Variants in PLXNA4 observed in about 807,000 individuals in gnomAD.
PLXNA4 encodes the protein plexin A4, also known as plexin-A4.
PLXNA4 carries 44 observed loss-of-function variants against 191.8 expected under a neutral mutation model. That is an observed-to-expected ratio of 0.23 (90% CI 0.18 to 0.29). PLXNA4 has a LOEUF of 0.29. Among genes scored for constraint, PLXNA4 ranks in the 10% least tolerant of loss-of-function variants. The pLI is 1.00. For synonymous variants in PLXNA4, 1,082 were observed against 1,009.5 expected (o/e 1.07, Z -1.36); for missense variants, 1,800 against 2,488.8 (o/e 0.72, Z 5.89).
At chr7:132,140,527 G>A in intron 30 of PLXNA4, 72 bp downstream of exon 30, 1 of 1,573,926 alleles carries the variant, frequency 6.4e-7, no homozygotes, top group Non-Finnish European at 8.6e-7. Context: ...TTGATGGGGA[G>A]GGGACCTTTT....
chr7:132,344,306 A>G (rs1259244321), intron 3 of PLXNA4, among the ~76,000 whole-genome samples: 1 of 152,124 alleles, frequency 6.6e-6, no homozygotes, highest in East Asian at 1.9e-4. Context: ...CCCCACAGAT[A>G]TTATCATTTT....
intron 12 of PLXNA4, 69 bp downstream of exon 12, chr7:132,202,577 T>C: frequency 7.3e-7 from 1 of 1,360,604 alleles, no homozygotes. Flanking sequence ...CTGGGCAGAG[T>C]TTCCACAGGG....
chr7:132,318,460 C>T (rs191797703), intron 3 of PLXNA4, among the ~76,000 whole-genome samples: 70 of 152,258 alleles, frequency 4.6e-4, no homozygotes, highest in Non-Finnish European at 6.5e-4. Flanking sequence ...CTCCTGGCTT[C>T]CTCCCTCCCT....
intron 17 of PLXNA4, among the ~76,000 whole-genome samples, 178 bp from the exon 18 acceptor site, chr7:132,181,798 A>G (rs939860684): frequency 3.9e-5 from 6 of 152,206 alleles, no homozygotes; most frequent in African/African-American, 1.4e-4. Flanking sequence ...GCTTGCACCC[A>G]GCTCCGGTTT....
chr7:132,329,155 C>G (rs983741605), intron 3 of PLXNA4, among the ~76,000 whole-genome samples: 3 of 152,168 alleles, frequency 2.0e-5, no homozygotes, highest in African/African-American at 7.2e-5. Flanking sequence ...AACTGCTGCC[C>G]AAAGGACACC....
At chr7:132,338,439 C>T (rs902701338) in intron 3 of PLXNA4, among the ~76,000 whole-genome samples, 9 of 152,330 alleles carry the variant, frequency 5.9e-5, no homozygotes, top group South Asian at 4.1e-4. Context: ...ATACCTCTGA[C>T]GTTGTCAAAG....
chr7:132,621,246 G>GT (rs373540061), intron 2 of PLXNA4, among the ~76,000 whole-genome samples: 51,117 of 127,126 alleles, frequency 0.4, 9,784 homozygotes, highest in Non-Finnish European at 0.49. Context: ...GTTTTTTTTT[G>GT]TTTTTTTTTT....
chr7:132,189,004 GAGAGAGAGAGAGAGAGAGAGAGA>G (rs1796990823), intron 14 of PLXNA4, among the ~76,000 whole-genome samples: 3 of 72,206 alleles, frequency 4.2e-5, no homozygotes, highest in African/African-American at 5.8e-5. Context: ...GAGAGAGAGA[GAGAGAGAGAGAGAGAGAGAGAGA>G]GAAAGAGAGA....
At chr7:132,528,619 G>A (rs1433140760) in intron 1 of PLXNA4, among the ~76,000 whole-genome samples, 1 of 152,152 alleles carries the variant, frequency 6.6e-6, no homozygotes, top group Non-Finnish European at 1.5e-5. Flanking sequence ...TAATTTTTTT[G>A]CTCTTTAAAA....
intron 3 of PLXNA4, among the ~76,000 whole-genome samples, chr7:132,336,785 G>A (rs1802835772): frequency 6.6e-6 from 1 of 152,240 alleles, no homozygotes; most frequent in African/African-American, 2.4e-5. Context: ...TTGAGCAACT[G>A]GTTGCTTTCT....
chr7:132,577,614 C>A (rs1403717652), upstream of PLXNA4, among the ~76,000 whole-genome samples: 4 of 152,118 alleles, frequency 2.6e-5, no homozygotes, highest in Admixed American at 1.3e-4. Flanking sequence ...TTTGCCGACA[C>A]CCCCCTGGGT....
At chr7:132,482,518 C>T (rs181336294) in intron 3 of PLXNA4, among the ~76,000 whole-genome samples, 10 of 152,172 alleles carry the variant, frequency 6.6e-5, no homozygotes, top group East Asian at 3.9e-4. Flanking sequence ...GACCCTAAGC[C>T]GGAGGACCCA....
chr7:132,278,746 C>T (rs1199498971), intron 4 of PLXNA4, among the ~76,000 whole-genome samples: 2 of 152,194 alleles, frequency 1.3e-5, no homozygotes, highest in African/African-American at 2.4e-5. Flanking sequence ...GTTTTTTCCC[C>T]TTCGGTGCAC....
intron 2 of PLXNA4, among the ~76,000 whole-genome samples, chr7:132,490,302 A>G (rs557855836): frequency 2.6e-5 from 4 of 152,310 alleles, no homozygotes; most frequent in Admixed American, 2.6e-4. Flanking sequence ...GCCTTTTAAC[A>G]CCATCTAAGA....
chr7:132,574,726 G>A (rs1224765829), intron 1 of PLXNA4, among the ~76,000 whole-genome samples: 1 of 152,182 alleles, frequency 6.6e-6, no homozygotes, highest in African/African-American at 2.4e-5. Context: ...CCCTCCCGGG[G>A]TGTCTGCGCT....
chr7:132,466,502 A>C (rs1049508713), intron 3 of PLXNA4, among the ~76,000 whole-genome samples: 6 of 152,184 alleles, frequency 3.9e-5, no homozygotes, highest in Admixed American at 2.0e-4. Context: ...GCAGATGTAA[A>C]TCACGCAGAG....
intron 1 of PLXNA4, among the ~76,000 whole-genome samples, chr7:132,563,176 T>C: frequency 1.9e-5 from 1 of 53,150 alleles, no homozygotes; most frequent in Non-Finnish European, 4.4e-5. Flanking sequence ...CTTCTCCTCC[T>C]CCTTCTCCTT....
At chr7:132,414,960 C>G (rs1231150758) in intron 3 of PLXNA4, among the ~76,000 whole-genome samples, 2 of 152,174 alleles carry the variant, frequency 1.3e-5, no homozygotes. Context: ...CATTGGAATC[C>G]ACAACCTCCT....
At chr7:132,480,874 T>C (rs966559265) in intron 3 of PLXNA4, among the ~76,000 whole-genome samples, 9 of 152,124 alleles carry the variant, frequency 5.9e-5, no homozygotes, top group African/African-American at 1.9e-4. Context: ...GTTTCTAAGG[T>C]GGGAGCCTCT....
Sources: gnomAD v4.1 joint callset for allele counts (sites outside exome capture counted in the v4.1 genomes callset) on GRCh38, gnomAD v4.1.1 for gene constraint, MANE v1.5 for transcripts, NCBI Gene and HGNC (gene_info 2026-07-23, HGNC 2026-07-21) for gene names.